Variants in SERPINB11 observed in about 807,000 individuals in gnomAD.
The protein encoded by SERPINB11 is serpin family B member 11, also known as serpin B11.
SERPINB11 carries 32 observed loss-of-function variants against 36.7 expected under a neutral mutation model. That is an observed-to-expected ratio of 0.87 (90% CI 0.66 to 1.17). The LOEUF is 1.17. SERPINB11 is among the 50% of genes most tolerant of loss of function. SERPINB11 has a pLI of 0.00. For synonymous variants in SERPINB11, 174 were observed against 168.1 expected (o/e 1.04, Z -0.27); for missense variants, 528 against 458.4 (o/e 1.15, Z -1.39).
At chr18:63,707,604 G>C (rs896238455) in intron 1 of SERPINB11, among the ~76,000 whole-genome samples, 2 of 152,172 alleles carry the variant, frequency 1.3e-5, no homozygotes, top group Non-Finnish European at 2.9e-5. Context: ...TCTTCTAGAA[G>C]CAGCAGGGAT....
Position 63,723,320 on chromosome 18 carries a change from C to T in SERPINB11, c.1100C>T (p.Ala367Val), listed in dbSNP as rs371694900. ...KSLPMRAQFKANHPFLFFIRH... is the reference protein window; with the variant it reads ...KSLPMRAQFKVNHPFLFFIRH... ...CTACCAATGAGAGCTCAGTTCAAGG[C>T]GAACCACCCCTTCCTTTTCTTTATA... is the stretch of plus-strand genomic sequence containing the variant. The change falls in exon 8 of 8, where the codon GCG becomes GTG. Residue 367 changes from alanine (A) to valine (V), a missense_variant. Transcript: ENST00000544088. 93 of 1,613,884 alleles carry T rather than the reference C, an allele frequency of 5.8e-5. No individual in the cohort carries two copies. The highest frequency in any genetic ancestry group is 3.3e-4 in the Middle Eastern group (2 of 6,060).
intron 4 of SERPINB11, among the ~76,000 whole-genome samples, chr18:63,714,051 C>T (rs903945315): frequency 1.3e-5 from 2 of 152,162 alleles, no homozygotes; most frequent in African/African-American, 4.8e-5. Flanking sequence ...GGAACCCGCC[C>T]TGATAATTCA....
intron 6 of SERPINB11, chr18:63,720,359 G>A: frequency 3.7e-6 from 2 of 540,708 alleles, no homozygotes; most frequent in South Asian, 2.3e-5. Context: ...GGAGACTTGG[G>A]ATACTAAGAT....
intron 5 of SERPINB11, among the ~76,000 whole-genome samples, chr18:63,718,910 C>T (rs1391046001): frequency 1.3e-5 from 2 of 151,814 alleles, no homozygotes; most frequent in Non-Finnish European, 2.9e-5. Context: ...AAATATGCCT[C>T]TCTCTTGTGC....
At chr18:63,709,547 C>T (rs1303132760) in intron 1 of SERPINB11, among the ~76,000 whole-genome samples, 1 of 151,762 alleles carries the variant, frequency 6.6e-6, no homozygotes, top group African/African-American at 2.4e-5. Flanking sequence ...GGAGGCGGAG[C>T]TTGCAGTGAG....
chr18:63,710,304 T>C lies in SERPINB11; in HGVS notation c.111T>C (p.Tyr37=), dbSNP rs757394739. The C allele has an allele frequency of 6.2e-7, 1 of 1,613,914 alleles. No homozygotes were observed. The highest frequency in any genetic ancestry group is 8.5e-7 in the Non-Finnish European group (1 of 1,179,818). The change falls in exon 2 of 8, where the codon TAT becomes TAC. Residue 37 remains tyrosine, a synonymous_variant. Coordinates refer to ENST00000544088, the MANE Select transcript of SERPINB11 (RefSeq NM_001370475.1). Reference sequence around the variant, plus strand: ...TCTTTTCTTCGCTGAGTCTGCTTTATGCTCTAAGCATGGTCCTCCTTGGTG... The same window carrying C: ...TCTTTTCTTCGCTGAGTCTGCTTTACGCTCTAAGCATGGTCCTCCTTGGTG... ...NIFFSSLSLL[Y]ALSMVLLGAR... is the part of the protein sequence containing the mutation.
At chr18:63,719,601 G>T (rs1194141204) in intron 5 of SERPINB11, among the ~76,000 whole-genome samples, 2 of 152,010 alleles carry the variant, frequency 1.3e-5, no homozygotes, top group Admixed American at 6.6e-5. Context: ...TGCATTGAAA[G>T]AATAAATATT....
intron 1 of SERPINB11, chr18:63,705,631 A>G (rs1051602886): frequency 6.6e-6 from 1 of 152,248 alleles, no homozygotes; most frequent in African/African-American, 2.4e-5. Flanking sequence ...TCAAATAAAC[A>G]GACTAATAAA....
intron 7 of SERPINB11, among the ~76,000 whole-genome samples, chr18:63,722,359 G>A (rs112520345): frequency 0.013 from 1,922 of 152,288 alleles, 57 homozygotes; most frequent in African/African-American, 0.044. Flanking sequence ...TTCAATGCCC[G>A]AGGGAGGCGT....
chr18:63,720,096 C>A lies in SERPINB11; in HGVS notation c.559C>A (p.Gln187Lys). ...VLVNAIYFKG[Q>K]WQNKFQVRET... ...GGTGAATGCCATATATTTCAAAGGA[C>A]AATGGCAAAATAAATTTCAAGTAAG... The change falls in exon 6 of 8, where the codon CAA (glutamine) becomes AAA (lysine). Residue 187 changes from glutamine (Q) to lysine (K), a missense_variant. Physicochemically the swap from Gln to Lys is moderately conservative, Grantham distance 53 (BLOSUM62 1). Transcript: ENST00000544088. 2 of 1,610,234 alleles carry A rather than the reference C, an allele frequency of 1.2e-6. No individual in the cohort carries two copies. The highest frequency in any genetic ancestry group is 1.7e-6 in the Non-Finnish European group (2 of 1,177,002).
chr18:63,714,578 T>C (rs1321323677), intron 4 of SERPINB11, among the ~76,000 whole-genome samples: 2 of 152,118 alleles, frequency 1.3e-5, no homozygotes, highest in African/African-American at 4.8e-5. Context: ...GCATTCTCTT[T>C]CTCAGGGCTG....
rs1254435404 is a variant in SERPINB11, at chr18:63,720,963, G to A, written c.751G>A (p.Val251Ile). The change falls in exon 7 of 8, where the codon GTA (valine) becomes ATA (isoleucine). Residue 251 changes from valine (V) to isoleucine (I), a missense_variant. Coordinates refer to ENST00000544088, the MANE Select transcript of SERPINB11 (RefSeq NM_001370475.1). ...NKLSMIILLP[V>I]GIANLKQIEK... ...ATTAAGCATGATTATTCTGCTTCCA[G>A]TAGGCATAGCTAATCTGAAACAGGT... is the stretch of plus-strand genomic sequence containing the variant. 2.5e-6 allele frequency: 4 copies of A among 1,609,574 alleles called. No individual in the cohort carries two copies. Among genetic ancestry groups the A allele is most frequent in the Non-Finnish European group, 3.4e-6 (4 of 1,178,396 alleles).
chr18:63,703,540 C>T (rs116627114), intron 1 of SERPINB11, among the ~76,000 whole-genome samples: 75 of 152,194 alleles, frequency 4.9e-4, no homozygotes, highest in African/African-American at 1.6e-3. Flanking sequence ...TCTGAAATTC[C>T]TACTATTTTT....
At chr18:63,719,759 T>C (rs1165691514) in intron 5 of SERPINB11, among the ~76,000 whole-genome samples, 1 of 152,060 alleles carries the variant, frequency 6.6e-6, no homozygotes, top group African/African-American at 2.4e-5. Context: ...ATAAGACAAA[T>C]TGATCCATCA....
rs758337756 is a variant in SERPINB11, at chr18:63,711,391, T to G, written c.225T>G (p.Pro75=). 2 of 1,592,374 alleles carry G rather than the reference T, an allele frequency of 1.3e-6. No homozygotes were observed. Among genetic ancestry groups the G allele is most frequent in the Non-Finnish European group, 1.7e-6 (2 of 1,161,064 alleles). The stretch of plus-strand genomic sequence containing the variant: ...TAAAACCAGGGTTCAAGGACTCACC[T>G]AAGGTATGATAATATTACTGAGTTG... ...DSLKPGFKDS[P]KCSQAGRIHS... is the part of the protein sequence containing the mutation. The change falls in exon 3 of 8, where the codon CCT becomes CCG. Residue 75 remains proline (P), a synonymous_variant. Transcript: ENST00000544088.
Position 63,720,162 on chromosome 18 carries a change from A to G in SERPINB11, c.618+7A>G. ...TCCTTTTCAGCTAAGTGAGGTAAGTATTTTATTTTCAGACTCATGACAAAT... is the reference window on the plus strand; with the variant it reads ...TCCTTTTCAGCTAAGTGAGGTAAGTGTTTTATTTTCAGACTCATGACAAAT... On this transcript the variant is annotated splice_region_variant and intron_variant, in intron 6 of 7. Coordinates refer to ENST00000544088, the MANE Select transcript of SERPINB11 (RefSeq NM_001370475.1). 6.3e-7 allele frequency: 1 copy of G among 1,593,856 alleles called. No homozygotes were observed.
Position 63,714,416 on chromosome 18 carries a change from C to G in SERPINB11, c.358-1619C>G, listed in dbSNP as rs148042869. On this transcript the variant is annotated intron_variant, in intron 4 of 7. Transcript: ENST00000544088. ...GGAGGCAGGGTTTGAGAGCAGACAA[C>G]CGGTCTGACTAAAATTTACTAGTCA... is the stretch of plus-strand genomic sequence containing the variant. Among the ~76,000 whole-genome samples the G allele has an allele frequency of 7.2e-3, 1,090 of 152,220 alleles. 4 individuals are homozygous for G. The highest frequency in any genetic ancestry group is 0.011 in the Non-Finnish European group (729 of 68,020).
chr18:63,720,817 T>C lies in SERPINB11; in HGVS notation c.619-14T>C, dbSNP rs779799192. 1 of 1,536,784 alleles carries C rather than the reference T, an allele frequency of 6.5e-7. No homozygotes were observed. The highest frequency in any genetic ancestry group is 8.8e-7 in the Non-Finnish European group (1 of 1,136,058). ...ACATATGTAAGTATACTATAATCTT[T>C]TTCTTCTTAACAGGGTAAAAATGTA... On this transcript the variant is annotated splice_polypyrimidine_tract_variant and intron_variant, in intron 6 of 7. Transcript: ENST00000544088.
chr18:63,704,330 G>C (rs1308647715), intron 1 of SERPINB11, among the ~76,000 whole-genome samples: 1 of 152,192 alleles, frequency 6.6e-6, no homozygotes, highest in Non-Finnish European at 1.5e-5. Flanking sequence ...CAATCACCCA[G>C]ATGTAGAGGG....
Sources: allele counts gnomAD v4.1 joint callset (sites outside exome capture counted in the v4.1 genomes callset), GRCh38; gene constraint gnomAD v4.1.1; transcripts MANE v1.5; gene names NCBI Gene and HGNC (gene_info 2026-07-23, HGNC 2026-07-21).